HSD17B14: variants seen among roughly 807,000 people sequenced by gnomAD.
HSD17B14 encodes hydroxysteroid 17-beta dehydrogenase 14.
HSD17B14 carries 32 observed loss-of-function variants against 32.2 expected under a neutral mutation model. That is an observed-to-expected ratio of 0.99 (90% CI 0.75 to 1.33). The LOEUF is 1.33. HSD17B14 is among the 40% of genes most tolerant of loss of function. The pLI is 0.00. For synonymous variants in HSD17B14, 140 were observed against 155.4 expected (o/e 0.90, Z 0.74); for missense variants, 370 against 366.5 (o/e 1.01, Z -0.08).
rs140809938 is a variant in HSD17B14, at chr19:48,815,526, T to G, written c.370-385A>C. Reference sequence around the variant, plus strand: ...CATATTTTTCAAAAATGGGATGAAGTTATTTTCCGGTGAAGTCTCTGTGGC... The same window carrying G: ...CATATTTTTCAAAAATGGGATGAAGGTATTTTCCGGTGAAGTCTCTGTGGC... On this transcript the variant is annotated intron_variant, in intron 5 of 8. Transcript: ENST00000263278. 3.7e-3 allele frequency among the ~76,000 whole-genome samples: 563 copies of G among 152,198 alleles called. 4 individuals are homozygous for G. Among genetic ancestry groups the G allele is most frequent in the African/African-American group, 0.013 (533 of 41,538 alleles).
intron 5 of HSD17B14, among the ~76,000 whole-genome samples, chr19:48,824,643 G>A (rs576653267): frequency 6.6e-6 from 1 of 151,676 alleles, no homozygotes; most frequent in Admixed American, 6.6e-5. Context: ...GTGCGTGCCT[G>A]TAATCCCAGC....
intron 5 of HSD17B14, among the ~76,000 whole-genome samples, chr19:48,815,662 C>T (rs1386273078): frequency 6.6e-6 from 1 of 152,052 alleles, no homozygotes; most frequent in Admixed American, 6.6e-5. Context: ...AGGCACGAGG[C>T]ATCACACCCA....
At chr19:48,832,619 G>GT in intron 4 of HSD17B14, 47 bp downstream of exon 4, 2 of 1,529,536 alleles carry the variant, frequency 1.3e-6, no homozygotes, top group Non-Finnish European at 1.8e-6. Flanking sequence ...AGGAAACAGA[G>GT]TTGGGGGGCA....
At position 48,813,313 on chromosome 19, in the gene HSD17B14, C is replaced by T. The variant is rs750998535; in HGVS notation, c.675G>A (p.Gly225=). The change falls in exon 9 of 9, where the codon GGG becomes GGA. Residue 225 remains glycine, a synonymous_variant. Transcript: ENST00000263278. ...LGRMGQPAEV[G]AAAVFLASEA... ...CGGAGGCCAGGAACACTGCCGCAGCCCCGACCTCAGCGGGCTGGCCCATGC... is the reference window on the plus strand; with the variant it reads ...CGGAGGCCAGGAACACTGCCGCAGCTCCGACCTCAGCGGGCTGGCCCATGC... 1.9e-6 allele frequency: 3 copies of T among 1,597,170 alleles called. No homozygotes were observed. Among genetic ancestry groups the T allele is most frequent in the South Asian group, 1.1e-5 (1 of 88,606 alleles).
chr19:48,817,445 C>T (rs2035076305), intron 5 of HSD17B14, among the ~76,000 whole-genome samples: 1 of 152,146 alleles, frequency 6.6e-6, no homozygotes, highest in Non-Finnish European at 1.5e-5. Flanking sequence ...TCCCAAAGTG[C>T]TGGGATTACA....
chr19:48,816,475 C>T (rs1457805267), intron 5 of HSD17B14, among the ~76,000 whole-genome samples: 1 of 152,166 alleles, frequency 6.6e-6, no homozygotes, highest in Non-Finnish European at 1.5e-5. Context: ...AGCCACATGA[C>T]CCACTCTTAG....
intron 3 of HSD17B14, among the ~76,000 whole-genome samples, chr19:48,833,127 G>A (rs1178358944): frequency 2.6e-5 from 4 of 151,586 alleles, no homozygotes; most frequent in Non-Finnish European, 5.9e-5. Context: ...AAGGCAGGAG[G>A]GGGAAGCTGA....
intron 1 of HSD17B14, 143 bp from the exon 2 acceptor site, chr19:48,835,986 G>A: frequency 2.8e-6 from 2 of 713,806 alleles, no homozygotes; most frequent in South Asian, 1.8e-5. Context: ...GAGGGCAGAC[G>A]CCTTGACACA....
At chr19:48,821,719 TATGGTGGTGATGAGG>T (rs1180011933) in intron 5 of HSD17B14, among the ~76,000 whole-genome samples, 9 of 140,526 alleles carry the variant, frequency 6.4e-5, no homozygotes, top group African/African-American at 1.9e-4. Flanking sequence ...TGATGGTGAG[TATGGTGGTGATGAGG>T]ATGGTGATGG....
At position 48,834,280 on chromosome 19, in the gene HSD17B14, A is replaced by C. The variant is rs752270398; in HGVS notation, c.206T>G (p.Val69Gly). ...ILCDVTQEDD[V>G]KTLVSETIRR... ...AGGAACAGGAACTCGGCTTACCTTC[A>C]CATCATCTTCCTGAGTCACATCACA... Residue 69 changes from valine to glycine, a missense_variant, in exon 3 of 9, where the codon GTG becomes GGG. Transcript: ENST00000263278. 1.2e-6 allele frequency: 2 copies of C among 1,613,572 alleles called. No individual in the cohort carries two copies. Among genetic ancestry groups the C allele is most frequent in the African/African-American group, 1.3e-5 (1 of 74,928 alleles).
Position 48,813,346 on chromosome 19 carries a change from T to A in HSD17B14, c.642A>T (p.Pro214=). The A allele has an allele frequency of 6.3e-7, 1 of 1,575,926 alleles. No individual in the cohort carries two copies. Among genetic ancestry groups the A allele is most frequent in the Non-Finnish European group, 8.6e-7 (1 of 1,160,534 alleles). ...CAGCGGGCTGGCCCATGCGGCCCAG[T>A]GGCTGGGGAGAAAAGAGGGGGGAAG... ...ATIREGMLAQ[P]LGRMGQPAEV... is the part of the protein sequence containing the mutation. The change falls in exon 9 of 9, where the codon CCA becomes CCT. Residue 214 remains proline, a splice_region_variant and synonymous_variant. Coordinates refer to ENST00000263278, the MANE Select transcript of HSD17B14 (RefSeq NM_016246.3).
At chr19:48,828,327 A>G (rs890302687) in intron 5 of HSD17B14, among the ~76,000 whole-genome samples, 7 of 152,192 alleles carry the variant, frequency 4.6e-5, no homozygotes, top group Admixed American at 2.6e-4. Flanking sequence ...CAGGTCGTCT[A>G]GAGTCCAGAA....
intron 5 of HSD17B14, among the ~76,000 whole-genome samples, chr19:48,829,720 T>C (rs1464592424): frequency 6.9e-6 from 1 of 145,520 alleles, no homozygotes; most frequent in Non-Finnish European, 1.5e-5. Context: ...CTCAGCTCAC[T>C]GCAACCTCTG....
At chr19:48,813,823 T>C (rs1173170429) in intron 6 of HSD17B14, 93 bp from the exon 7 acceptor site, 12 of 1,403,484 alleles carry the variant, frequency 8.6e-6, no homozygotes, top group Admixed American at 1.7e-5. Context: ...GGCATCAGAA[T>C]GGGGAAGTCA....
chr19:48,835,919 T>C (rs2035502468), intron 1 of HSD17B14, 76 bp from the exon 2 acceptor site: 10 of 1,360,826 alleles, frequency 7.3e-6, no homozygotes, highest in Non-Finnish European at 9.4e-6. Flanking sequence ...GCCACCTGGA[T>C]TGGGGCTGAT....
chr19:48,819,142 C>G (rs1397090577), intron 5 of HSD17B14, among the ~76,000 whole-genome samples: 2 of 152,168 alleles, frequency 1.3e-5, no homozygotes, highest in East Asian at 3.9e-4. Flanking sequence ...GCGCCTACCA[C>G]CACGCCTGGC....
intron 5 of HSD17B14, among the ~76,000 whole-genome samples, chr19:48,827,955 C>T (rs557945192): frequency 1.1e-4 from 16 of 150,930 alleles, no homozygotes; most frequent in African/African-American, 2.9e-4. Context: ...CCCGGGTTCA[C>T]GCCATTCTCC....
intron 5 of HSD17B14, among the ~76,000 whole-genome samples, chr19:48,820,575 A>T (rs543845527): frequency 6.8e-6 from 1 of 146,524 alleles, no homozygotes; most frequent in South Asian, 2.2e-4. Context: ...TGTCTTGCCC[A>T]GGCTGGAGTG....
intron 5 of HSD17B14, among the ~76,000 whole-genome samples, chr19:48,829,674 G>A (rs1323377807): frequency 1.2e-5 from 1 of 84,164 alleles, no homozygotes; most frequent in Admixed American, 1.6e-4. Flanking sequence ...CGGAGTTTCC[G>A]CTCTTATTGC....
Sources: allele counts gnomAD v4.1 joint callset (sites outside exome capture counted in the v4.1 genomes callset), GRCh38; gene constraint gnomAD v4.1.1; transcripts MANE v1.5; gene names NCBI Gene and HGNC (gene_info 2026-07-23, HGNC 2026-07-21).